The following FAP variants were observed in gnomAD, a reference collection of about 807,000 sequenced individuals.
The protein encoded by FAP is fibroblast activation protein alpha.
Under a neutral mutation model 126.5 loss-of-function variants are expected in FAP, and 110 were observed. That is an observed-to-expected ratio of 0.87 (90% CI 0.74 to 1.02). The LOEUF is 1.02. Ranked by LOEUF, FAP falls within the 50% of genes least tolerant of loss-of-function variation. The pLI is 0.00. For missense variants in FAP, 919 were observed against 909.2 expected (o/e 1.01, Z -0.14); for synonymous variants, 334 against 297.3 (o/e 1.12, Z -1.27).
chr2:162,233,272 C>T (rs1689973997), intron 2 of FAP, among the ~76,000 whole-genome samples: 1 of 152,106 alleles, frequency 6.6e-6, no homozygotes, highest in South Asian at 2.1e-4. Context: ...TCAATACAAA[C>T]ATTTTGGTGT....
intron 11 of FAP, among the ~76,000 whole-genome samples, chr2:162,212,072 C>G (rs961365875): frequency 6.6e-6 from 1 of 152,136 alleles, no homozygotes; most frequent in Non-Finnish European, 1.5e-5. Flanking sequence ...TAAATTTAAG[C>G]ACTGTTTTCT....
At chr2:162,215,067 G>A (rs1458653524) in intron 10 of FAP, among the ~76,000 whole-genome samples, 2 of 152,090 alleles carry the variant, frequency 1.3e-5, no homozygotes, top group Non-Finnish European at 2.9e-5. Context: ...AGTTTTCATC[G>A]ACTCGATCAG....
chr2:162,215,896 A>G lies in FAP; in HGVS notation c.866+2T>C. On this transcript the variant is annotated splice_donor_variant, in intron 10 of 25. Coordinates refer to ENST00000188790, the MANE Select transcript of FAP (RefSeq NM_004460.5). LOFTEE classifies it high-confidence loss of function. The stretch of plus-strand genomic sequence containing the variant: ...AGATGGGAGGGATCTGAGATGAACT[A>G]CCTTGAGGCTATCATTGCTGGAACA... 6.2e-7 allele frequency: 1 copy of G among 1,605,150 alleles called. No homozygotes were observed. Among genetic ancestry groups the G allele is most frequent in the Non-Finnish European group, 8.5e-7 (1 of 1,171,822 alleles).
intron 14 of FAP, among the ~76,000 whole-genome samples, chr2:162,202,606 C>T (rs756724049): frequency 2.0e-5 from 3 of 152,104 alleles, no homozygotes; most frequent in South Asian, 4.2e-4. Flanking sequence ...GCCTTTAGAA[C>T]GAGTTATTAT....
In FAP at chr2:162,234,831, C is replaced by T. The variant is rs892847239; in HGVS notation, c.91+8077G>A. ...CTGGGCTGGCCGAGGCTGGAGCCGG[C>T]TCCCTTGGCTTGCGGGGAGGTGTGG... is the stretch of plus-strand genomic sequence containing the variant. On this transcript the variant is annotated intron_variant, in intron 2 of 25. Transcript: ENST00000188790. Among the ~76,000 whole-genome samples, 10 of 152,142 alleles carry T rather than the reference C, an allele frequency of 6.6e-5. No homozygotes were observed. The East Asian group carries it at 1.6e-3, about 24-fold the overall frequency.
At chr2:162,206,252 A>AC (rs1688690923) in intron 12 of FAP, among the ~76,000 whole-genome samples, 2 of 152,216 alleles carry the variant, frequency 1.3e-5, no homozygotes, top group Non-Finnish European at 2.9e-5. Flanking sequence ...TGCAAGTCAC[A>AC]CCTGGACCCT....
chr2:162,191,818 TC>T (rs2106230819), intron 17 of FAP, among the ~76,000 whole-genome samples: 1 of 152,238 alleles, frequency 6.6e-6, no homozygotes, highest in African/African-American at 2.4e-5. Flanking sequence ...TCTTCTGGAT[TC>T]CCACGGAATC....
intron 12 of FAP, among the ~76,000 whole-genome samples, chr2:162,204,489 T>C (rs1397355395): frequency 1.3e-5 from 2 of 152,058 alleles, no homozygotes; most frequent in Non-Finnish European, 2.9e-5. Context: ...GCTGTCCTCA[T>C]AGGTGGGGAG....
intron 20 of FAP, among the ~76,000 whole-genome samples, chr2:162,185,817 G>C (rs1319596689): frequency 1.3e-5 from 2 of 152,072 alleles, no homozygotes; most frequent in African/African-American, 4.8e-5. Flanking sequence ...CCCAGGTCAG[G>C]CATTTAGTGT....
chr2:162,172,162 A>G (rs1027629828), intron 25 of FAP: 2 of 152,062 alleles, frequency 1.3e-5, no homozygotes, highest in Non-Finnish European at 2.9e-5. Flanking sequence ...TTGAGGGAGC[A>G]TTTGTGAGAG....
intron 17 of FAP, among the ~76,000 whole-genome samples, chr2:162,192,792 C>T (rs928471523): frequency 1.3e-5 from 2 of 152,056 alleles, no homozygotes; most frequent in Non-Finnish European, 2.9e-5. Flanking sequence ...AGTAAAAAAC[C>T]ATTAGTATCA....
At chr2:162,181,764 C>T (rs1163683655) in intron 21 of FAP, among the ~76,000 whole-genome samples, 4 of 152,142 alleles carry the variant, frequency 2.6e-5, no homozygotes, top group Non-Finnish European at 5.9e-5. Flanking sequence ...TCTTTTCATC[C>T]CCTAAGGAAC....
chr2:162,183,865 A>T (rs1403168532), intron 20 of FAP, among the ~76,000 whole-genome samples: 2 of 152,152 alleles, frequency 1.3e-5, no homozygotes, highest in Non-Finnish European at 2.9e-5. Flanking sequence ...TTGCTGCTTT[A>T]AATTATATTA....
intron 2 of FAP, among the ~76,000 whole-genome samples, chr2:162,238,332 T>C (rs1180638104): frequency 2.0e-5 from 3 of 152,226 alleles, no homozygotes; most frequent in Non-Finnish European, 4.4e-5. Context: ...GGTATATCTA[T>C]GACTGGATGT....
At chr2:162,208,960 G>A (rs961893834) in intron 12 of FAP, among the ~76,000 whole-genome samples, 2 of 151,474 alleles carry the variant, frequency 1.3e-5, no homozygotes, top group African/African-American at 2.4e-5. Context: ...TTTAATTAAC[G>A]GCAGAGTATA....
intron 21 of FAP, chr2:162,176,683 T>C (rs1403938195): frequency 6.6e-6 from 1 of 152,152 alleles, no homozygotes. Context: ...TTATTATCAT[T>C]TATGGTTTTA....
At chr2:162,240,052 A>G (rs1690286221) in intron 2 of FAP, among the ~76,000 whole-genome samples, 1 of 152,192 alleles carries the variant, frequency 6.6e-6, no homozygotes, top group South Asian at 2.1e-4. Flanking sequence ...GCCTTGTTGC[A>G]TATTCACAGA....
chr2:162,205,031 GCCGA>G (rs955087671), intron 12 of FAP, among the ~76,000 whole-genome samples: 1 of 152,136 alleles, frequency 6.6e-6, no homozygotes, highest in African/African-American at 2.4e-5. Flanking sequence ...ACCCAATGAG[GCCGA>G]CTCCTAGTGT....
chr2:162,189,552 T>C (rs763437732), intron 18 of FAP, 104 bp downstream of exon 18: 16 of 648,664 alleles, frequency 2.5e-5, no homozygotes, highest in Non-Finnish European at 4.1e-5. Context: ...GTAATATTAA[T>C]AGATCGCAGA....
Sources: gnomAD v4.1 joint callset for allele counts (sites outside exome capture counted in the v4.1 genomes callset) on GRCh38, gnomAD v4.1.1 for gene constraint, MANE v1.5 for transcripts, NCBI Gene and HGNC (gene_info 2026-07-23, HGNC 2026-07-21) for gene names.